Variants in AKR1A1 observed in about 807,000 individuals in gnomAD.
AKR1A1 encodes the protein aldo-keto reductase family 1 member A1.
A neutral mutation model predicts 39.2 loss-of-function variants in AKR1A1; 26 were observed. The observed-to-expected ratio is 0.66, with a 90% CI of 0.49 to 0.92. The LOEUF (loss-of-function observed/expected upper bound fraction) is 0.92, where lower values mean the gene tolerates loss of function less well. Among genes scored for constraint, AKR1A1 ranks in the 40% least tolerant of loss-of-function variants. The pLI is 0.00. For missense variants in AKR1A1, 378 were observed against 406.5 expected, an observed-to-expected ratio of 0.93 and a Z score of 0.60; for synonymous variants, 141 against 155.5, an observed-to-expected ratio of 0.91 and a Z score of 0.69.
At chr1:45,560,248 T>C (rs1243969658) in intron 1 of AKR1A1, among the ~76,000 whole-genome samples, 4 of 152,172 alleles carry the variant, frequency 2.6e-5, no homozygotes, top group Non-Finnish European at 5.9e-5. Context: ...GGCCTTCCTA[T>C]GTGCTTGTAT....
At position 45,557,912 on chromosome 1, in the gene AKR1A1, C is replaced by CTTTTTTTTT. The variant is rs67386168; in HGVS notation, c.-6-3870_-6-3862dup. 1.1e-3 allele frequency among the ~76,000 whole-genome samples: 122 copies of CTTTTTTTTT among 112,224 alleles called. 18 individuals are homozygous for CTTTTTTTTT. Among genetic ancestry groups the CTTTTTTTTT allele is most frequent in the African/African-American group, 3.8e-3 (106 of 28,262 alleles). 73.6% of individuals were successfully genotyped at this position (112,224 alleles called of 152,430 possible). A position where few individuals can be genotyped will look rare whatever the true frequency, so the allele number is the denominator to read the frequency against. ...TGTACTGGCTTTACTCACAACTTGTCTTTTTTTTTTTTTTTGAGATGGAGC... is the reference window on the plus strand; with the variant it reads ...TGTACTGGCTTTACTCACAACTTGTCTTTTTTTTTTTTTTTTTTTTTTTTGAGATGGAGC... On this transcript the variant is annotated intron_variant, in intron 1 of 8. Transcript: ENST00000351829.
intron 1 of AKR1A1, among the ~76,000 whole-genome samples, chr1:45,557,412 G>T (rs1158400733): frequency 2.0e-5 from 3 of 152,068 alleles, no homozygotes; most frequent in Non-Finnish European, 4.4e-5. Flanking sequence ...TCCCTAGGGA[G>T]CTCTTGTTCT....
At chr1:45,559,172 T>C (rs992323133) in intron 1 of AKR1A1, among the ~76,000 whole-genome samples, 1 of 152,220 alleles carries the variant, frequency 6.6e-6, no homozygotes, top group Non-Finnish European at 1.5e-5. Flanking sequence ...TGTACTGATA[T>C]CACCTGTTCC....
At chr1:45,560,511 G>A (rs1208388225) in intron 1 of AKR1A1, among the ~76,000 whole-genome samples, 1 of 152,164 alleles carries the variant, frequency 6.6e-6, no homozygotes, top group African/African-American at 2.4e-5. Flanking sequence ...TTGGAAGGGT[G>A]AGGCAGGAAT....
rs9147 is a variant in AKR1A1 at position 45,551,015 on chromosome 1, T to C, written c.-147T>C. On this transcript the variant is annotated 5_prime_UTR_variant, in exon 1 of 9. Coordinates refer to ENST00000351829, the MANE Select transcript of AKR1A1 (RefSeq NM_153326.3). ...GCGGTCCACCCTGCGCGTGATCCTT[T>C]ATGCCCGGCCCCTGCCCCTCCCTCC... is the stretch of plus-strand genomic sequence containing the variant. 0.48 allele frequency: 73,751 copies of C among 152,446 alleles called. 18,130 individuals carry two copies. The highest frequency in any genetic ancestry group is 0.62 in the East Asian group (3,215 of 5,172). 9.4% of individuals were successfully genotyped at this position (152,446 alleles called of 1,614,324 possible). A position where few individuals can be genotyped will look rare whatever the true frequency, so the allele number is the denominator to read the frequency against.
At chr1:45,552,686 C>G (rs1328215462) in intron 1 of AKR1A1, 1 of 152,160 alleles carries the variant, frequency 6.6e-6, no homozygotes, top group Non-Finnish European at 1.5e-5. Context: ...AAGATAGAAG[C>G]CAGGTTTTGA....
Position 45,567,974 on chromosome 1 carries a change from T to C in AKR1A1, c.357-8T>C. 3 of 1,605,874 alleles carry C rather than the reference T, an allele frequency of 1.9e-6. No homozygotes were observed. The highest frequency in any genetic ancestry group is 2.6e-6 in the Non-Finnish European group (3 of 1,174,520). On this transcript the variant is annotated splice_region_variant and splice_polypyrimidine_tract_variant and intron_variant, in intron 4 of 8. Transcript: ENST00000351829. ...TGTCCACACTTGGTGGGGCTGTCTC[T>C]CACTCAGGCGGGGAGACAACCCCTT...
chr1:45,567,209 G>A (rs1207745279), intron 4 of AKR1A1, 189 bp downstream of exon 4: 2 of 748,008 alleles, frequency 2.7e-6, no homozygotes, highest in South Asian at 4.2e-5. Context: ...GTTTAACTCT[G>A]GAAAAAGGAA....
At chr1:45,558,365 A>AT (rs1414564017) in intron 1 of AKR1A1, among the ~76,000 whole-genome samples, 5 of 148,458 alleles carry the variant, frequency 3.4e-5, no homozygotes, top group Non-Finnish European at 7.4e-5. Flanking sequence ...AGTAGCTGAG[A>AT]TTACAGGCAT....
rs67386168 is a variant in AKR1A1 at position 45,557,912 on chromosome 1, C to CTTTTTTTTTTTTTTTTTTTTT, written c.-6-3862_-6-3861insTTTTTTTTTTTTTTTTTTTTT. 5.3e-5 allele frequency among the ~76,000 whole-genome samples: 6 copies of CTTTTTTTTTTTTTTTTTTTTT among 112,234 alleles called. 2 individuals carry two copies. The highest frequency in any genetic ancestry group is 5.2e-5 in the Non-Finnish European group (3 of 57,490). 73.6% of individuals were successfully genotyped at this position (112,234 alleles called of 152,430 possible). ...TGTACTGGCTTTACTCACAACTTGT[C>CTTTTTTTTTTTTTTTTTTTTT]TTTTTTTTTTTTTTTGAGATGGAGC... On this transcript the variant is annotated intron_variant, in intron 1 of 8. Transcript: ENST00000351829.
rs1045877897 is a variant in AKR1A1, at chr1:45,569,019, A to G, written c.825+20A>G. 9.9e-6 allele frequency: 16 copies of G among 1,612,952 alleles called. No homozygotes were observed. Among genetic ancestry groups the G allele is most frequent in the Non-Finnish European group, 1.4e-5 (16 of 1,178,936 alleles). Reference sequence around the variant, plus strand: ...ATCAAGGTACTTGGTAATGGGTTCTATCTTCTTTAGCTCTTTGGGACATTT... The same window carrying G: ...ATCAAGGTACTTGGTAATGGGTTCTGTCTTCTTTAGCTCTTTGGGACATTT... On this transcript the variant is annotated intron_variant, in intron 7 of 8. Coordinates refer to ENST00000351829, the MANE Select transcript of AKR1A1 (RefSeq NM_153326.3).
intron 1 of AKR1A1, among the ~76,000 whole-genome samples, chr1:45,552,213 G>C (rs1054333954): frequency 6.6e-6 from 1 of 151,340 alleles, no homozygotes; most frequent in Non-Finnish European, 1.5e-5. Context: ...GGGGTCTCTC[G>C]GTCTTTTGCC....
At chr1:45,562,992 C>G (rs759523933) in intron 2 of AKR1A1, among the ~76,000 whole-genome samples, 1 of 152,028 alleles carries the variant, frequency 6.6e-6, no homozygotes, top group Non-Finnish European at 1.5e-5. Flanking sequence ...GCCTGTGGTC[C>G]CAGCTACTTG....
chr1:45,553,337 G>C (rs899801329), intron 1 of AKR1A1, among the ~76,000 whole-genome samples: 1 of 151,564 alleles, frequency 6.6e-6, no homozygotes, highest in Non-Finnish European at 1.5e-5. Context: ...CAGGAGAATC[G>C]GTTGAACCTG....
chr1:45,560,725 CTTTT>C (rs565611681), intron 1 of AKR1A1, among the ~76,000 whole-genome samples: 7 of 114,320 alleles, frequency 6.1e-5, no homozygotes, highest in Admixed American at 9.3e-5. Context: ...CTCTGCAGTT[CTTTT>C]TTTTTTTTTT....
intron 2 of AKR1A1, among the ~76,000 whole-genome samples, chr1:45,565,226 G>C (rs1341246083): frequency 6.8e-6 from 1 of 147,214 alleles, no homozygotes; most frequent in Non-Finnish European, 1.5e-5. Context: ...CACCTCCCAG[G>C]TTCAAGCGAT....
At position 45,565,420 on chromosome 1, in the gene AKR1A1, G is replaced by A. The variant is rs576714677; in HGVS notation, c.85-1149G>A. ...GCTGGGATTACAGGTGTGAGCCACC[G>A]CGCCTGGCTTTTATTTAAAAAAAAA... is the stretch of plus-strand genomic sequence containing the variant. On this transcript the variant is annotated intron_variant, in intron 2 of 8. Transcript: ENST00000351829. Among the ~76,000 whole-genome samples the A allele has an allele frequency of 2.5e-3, 372 of 148,898 alleles. 13 individuals are homozygous for A. The South Asian group carries it at 0.073, about 29-fold the overall frequency.
intron 8 of AKR1A1, among the ~76,000 whole-genome samples, chr1:45,569,558 G>A (rs1002504732): frequency 6.6e-6 from 1 of 152,160 alleles, no homozygotes; most frequent in East Asian, 1.9e-4. Context: ...AATGATATGA[G>A]GAGAGCCCAG....
Position 45,553,550 on chromosome 1 carries a change from A to G in AKR1A1, c.-7+2395A>G, listed in dbSNP as rs75598025. Among the ~76,000 whole-genome samples, 936 of 152,356 alleles carry G rather than the reference A, an allele frequency of 6.1e-3. 5 individuals are homozygous for G. The highest frequency in any genetic ancestry group is 9.2e-3 in the Non-Finnish European group (627 of 68,036). ...ACATACATCAAGAAGTACAGGAAGC[A>G]TTATTGCAATCTTAGGTCTTAGGTT... On this transcript the variant is annotated intron_variant, in intron 1 of 8. Transcript: ENST00000351829.
Sources: allele counts gnomAD v4.1 joint callset (sites outside exome capture counted in the v4.1 genomes callset), GRCh38; gene constraint gnomAD v4.1.1; transcripts MANE v1.5; gene names NCBI Gene and HGNC (gene_info 2026-07-23, HGNC 2026-07-21).